The following SCRN1 variants were observed in gnomAD, a reference collection of about 807,000 sequenced individuals.
SCRN1 encodes secernin 1, also known as secernin-1.
SCRN1 carries 19 observed loss-of-function variants against 43.3 expected under a neutral mutation model. The observed-to-expected ratio is 0.44, with a 90% CI of 0.31 to 0.64. The LOEUF (loss-of-function observed/expected upper bound fraction) is 0.64, where lower values mean the gene tolerates loss of function less well. SCRN1 is among the 30% of genes least tolerant of loss of function. The probability of loss-of-function intolerance (pLI) is 0.09; values close to 1 mark genes in which losing one functional copy is unlikely to be tolerated. For synonymous variants in SCRN1, 183 were observed against 188.9 expected (o/e 0.97, Z 0.26); for missense variants, 447 against 524.1 (o/e 0.85, Z 1.44).
At chr7:29,948,534 C>T (rs1787809975) in intron 3 of SCRN1, among the ~76,000 whole-genome samples, 2 of 152,168 alleles carry the variant, frequency 1.3e-5, no homozygotes, top group South Asian at 4.1e-4. Flanking sequence ...GGCCTTTTGC[C>T]AAGGACTTTT....
intron 3 of SCRN1, among the ~76,000 whole-genome samples, chr7:29,944,540 G>C (rs1787665265): frequency 6.6e-6 from 1 of 151,736 alleles, no homozygotes; most frequent in Non-Finnish European, 1.5e-5. Flanking sequence ...GGACACACTG[G>C]CAGTCTCAGC....
At position 29,944,179 on chromosome 7, in the gene SCRN1, C is replaced by T; in HGVS notation, c.342G>A (p.Arg114=). ...CTGTTTCCCCTCTTTCTAAACCAAG[C>T]CTGCAGGAAGGAAACCAGAACCATA... ...IEALLGMDLV[R]LGLERGETAK... is the part of the protein sequence containing the mutation. The change falls in exon 4 of 8, where the codon AGG becomes AGA. Residue 114 remains arginine, a splice_region_variant and synonymous_variant. Transcript: ENST00000242059. 1 of 1,614,114 alleles carries T rather than the reference C, an allele frequency of 6.2e-7. No homozygotes were observed. Among genetic ancestry groups the T allele is most frequent in the Non-Finnish European group, 8.5e-7 (1 of 1,179,944 alleles).
At chr7:29,927,834 G>A (rs1787018823) in intron 6 of SCRN1, among the ~76,000 whole-genome samples, 1 of 152,234 alleles carries the variant, frequency 6.6e-6, no homozygotes, top group East Asian at 1.9e-4. Context: ...ATATTTTCAG[G>A]TATGGGCAAG....
intron 5 of SCRN1, 86 bp from the exon 6 acceptor site, chr7:29,936,807 G>A (rs1787349326): frequency 3.5e-6 from 4 of 1,138,182 alleles, no homozygotes; most frequent in African/African-American, 3.1e-5. Context: ...AGCACTTTGG[G>A]AGGCCGAGGC....
chr7:29,954,042 G>C (rs899328206), intron 3 of SCRN1, among the ~76,000 whole-genome samples: 1 of 152,110 alleles, frequency 6.6e-6, no homozygotes, highest in Non-Finnish European at 1.5e-5. Context: ...ACAAAAAAAG[G>C]CATTTCAGAA....
At chr7:29,939,002 CT>C (rs1583658960) in intron 5 of SCRN1, among the ~76,000 whole-genome samples, 2 of 152,198 alleles carry the variant, frequency 1.3e-5, no homozygotes, top group East Asian at 3.9e-4. Flanking sequence ...GACCTAAAGG[CT>C]TTATCAGATT....
At chr7:29,949,837 C>T (rs1394057953) in intron 3 of SCRN1, among the ~76,000 whole-genome samples, 5 of 150,702 alleles carry the variant, frequency 3.3e-5, no homozygotes, top group Non-Finnish European at 5.9e-5. Flanking sequence ...GTGCAACCAG[C>T]TACAATTTGC....
chr7:29,990,121 TTGC>T, upstream of SCRN1: 1 of 1,550,746 alleles, frequency 6.4e-7, no homozygotes, highest in South Asian at 1.2e-5. Context: ...CGACGTTTGG[TTGC>T]TACGTCCGGG....
At chr7:29,963,061 T>C (rs1015940459) in intron 2 of SCRN1, among the ~76,000 whole-genome samples, 2 of 150,554 alleles carry the variant, frequency 1.3e-5, no homozygotes, top group African/African-American at 4.9e-5. Context: ...AAAAAAAAAA[T>C]CCTTCTTCAC....
At chr7:29,969,525 G>A (rs990989111) in intron 1 of SCRN1, among the ~76,000 whole-genome samples, 2 of 152,180 alleles carry the variant, frequency 1.3e-5, no homozygotes, top group African/African-American at 4.8e-5. Context: ...ATGAGGAAAT[G>A]GGTCTACAGA....
Position 29,922,538 on chromosome 7 carries a change from T to TTTAC in SCRN1, c.*1415_*1418dup, listed in dbSNP as rs1562797640. 1 of 152,258 alleles carries TTTAC rather than the reference T, an allele frequency of 6.6e-6. No homozygotes were observed. The highest frequency in any genetic ancestry group is 1.5e-5 in the Non-Finnish European group (1 of 68,054). The allele number at this position is 152,258 out of a possible 1,614,324, so 9.4% of individuals were successfully genotyped here. A position where few individuals can be genotyped will look rare whatever the true frequency, so the allele number is the denominator to read the frequency against. On this transcript the variant is annotated 3_prime_UTR_variant, in exon 8 of 8. Transcript: ENST00000242059. Reference sequence around the variant, plus strand: ...TGGTGCTCTCCCACTAGCTGCTGTATTTACATACACTTCTGTTCATCATCT... The same window carrying TTTAC: ...TGGTGCTCTCCCACTAGCTGCTGTATTTACTTACATACACTTCTGTTCATCATCT...
intron 7 of SCRN1, 49 bp downstream of exon 7, chr7:29,926,403 T>TCGCC: frequency 6.3e-7 from 1 of 1,592,072 alleles, no homozygotes; most frequent in Non-Finnish European, 8.6e-7. Flanking sequence ...CTCGCTGACC[T>TCGCC]CGCCCGCCCG....
At chr7:29,926,805 C>G (rs1187462511) in intron 6 of SCRN1, among the ~76,000 whole-genome samples, 173 bp from the exon 7 acceptor site, 1 of 152,116 alleles carries the variant, frequency 6.6e-6, no homozygotes, top group Non-Finnish European at 1.5e-5. Flanking sequence ...GTTTTAGTCG[C>G]TATTTTAGCA....
At chr7:29,933,284 C>T (rs569774622) in intron 6 of SCRN1, among the ~76,000 whole-genome samples, 77 of 152,346 alleles carry the variant, frequency 5.1e-4, no homozygotes, top group African/African-American at 1.8e-3. Context: ...AGTTTTATGG[C>T]ATTTGCCAAT....
intron 1 of SCRN1, among the ~76,000 whole-genome samples, chr7:29,982,884 A>T (rs1346147929): frequency 6.7e-6 from 1 of 150,282 alleles, no homozygotes; most frequent in Non-Finnish European, 1.5e-5. Context: ...CCTGTTGCCC[A>T]GGCTGGAATG....
At position 29,968,980 on chromosome 7, in the gene SCRN1, G is replaced by A. The variant is rs781425883; in HGVS notation, c.88C>T (p.Arg30Trp). The A allele has an allele frequency of 3.7e-6, 6 of 1,613,876 alleles. No homozygotes were observed. The highest frequency in any genetic ancestry group is 1.1e-5 in the South Asian group (1 of 91,070). The part of the protein sequence containing the change: ...GLVVFGKNSA[R>W]PRDEVQEVVY... ...ACCTCTTGCACTTCATCTCTGGGCC[G>A]GGCTGAATTTTTCCCAAATACCACC... The change falls in exon 2 of 8, where the codon CGG (arginine) becomes TGG (tryptophan). Residue 30 changes from arginine to tryptophan, a missense_variant. Coordinates refer to ENST00000242059, the MANE Select transcript of SCRN1 (RefSeq NM_014766.5).
intron 6 of SCRN1, among the ~76,000 whole-genome samples, chr7:29,932,457 A>T (rs1382484055): frequency 6.6e-6 from 1 of 152,022 alleles, no homozygotes; most frequent in Non-Finnish European, 1.5e-5. Flanking sequence ...CTTCGAGACC[A>T]GCCTGGCCAA....
intron 3 of SCRN1, among the ~76,000 whole-genome samples, chr7:29,946,954 G>A (rs1169217916): frequency 6.6e-6 from 1 of 152,230 alleles, no homozygotes; most frequent in Non-Finnish European, 1.5e-5. Flanking sequence ...AGAGGCCAAT[G>A]TTAAAGCCAT....
chr7:29,930,997 T>C (rs1787137379), intron 6 of SCRN1, among the ~76,000 whole-genome samples: 4 of 152,096 alleles, frequency 2.6e-5, no homozygotes, highest in African/African-American at 9.7e-5. Flanking sequence ...CACAGTCCCA[T>C]GACACGACGC....
Sources: allele counts gnomAD v4.1 joint callset (sites outside exome capture counted in the v4.1 genomes callset), GRCh38; gene constraint gnomAD v4.1.1; transcripts MANE v1.5; gene names NCBI Gene and HGNC (gene_info 2026-07-23, HGNC 2026-07-21).